The following SPIDR variants were observed in gnomAD, a reference collection of about 807,000 sequenced individuals.
SPIDR encodes DNA repair-scaffolding protein.
Under a neutral mutation model 104.6 loss-of-function variants are expected in SPIDR, and 93 were observed. That is an observed-to-expected ratio of 0.89 (90% CI 0.75 to 1.06). SPIDR has a LOEUF of 1.06. Ranked by LOEUF, SPIDR falls within the 50% of genes least tolerant of loss-of-function variation. The probability of loss-of-function intolerance (pLI) is 0.00; values close to 1 mark genes in which losing one functional copy is unlikely to be tolerated. For synonymous variants in SPIDR, 431 were observed against 416.9 expected (o/e 1.03, Z -0.41); for missense variants, 1,154 against 1,111.2 (o/e 1.04, Z -0.55).
chr8:47,703,664 G>A (rs1053796661), intron 14 of SPIDR, among the ~76,000 whole-genome samples: 6 of 152,168 alleles, frequency 3.9e-5, no homozygotes, highest in East Asian at 1.9e-4. Flanking sequence ...ATATTCTTAC[G>A]GTTTTTTAAC....
chr8:47,330,114 C>T (rs1554603594), intron 5 of SPIDR, among the ~76,000 whole-genome samples: 1 of 151,990 alleles, frequency 6.6e-6, no homozygotes, highest in Non-Finnish European at 1.5e-5. Context: ...TCAGGTGGGT[C>T]TGCAAGCAAT....
intron 5 of SPIDR, among the ~76,000 whole-genome samples, chr8:47,334,004 C>T (rs575326494): frequency 1.3e-5 from 2 of 152,240 alleles, no homozygotes; most frequent in South Asian, 4.1e-4. Flanking sequence ...TAGTTGAAAA[C>T]GTTTATAAAT....
chr8:47,543,094 G>T (rs542244397), intron 8 of SPIDR, among the ~76,000 whole-genome samples: 2 of 152,168 alleles, frequency 1.3e-5, no homozygotes, highest in Non-Finnish European at 2.9e-5. Flanking sequence ...CCCATGGAAG[G>T]ACGTCCAACT....
intron 8 of SPIDR, among the ~76,000 whole-genome samples, chr8:47,588,033 ATATATATATATATATATATATAT>A (rs1564407059): frequency 0.043 from 1,002 of 23,298 alleles, 86 homozygotes; most frequent in Middle Eastern, 0.071. Flanking sequence ...TAGCATATAT[ATATATATATATATATATATATAT>A]ATATATATAT....
chr8:47,595,152 T>C (rs540821701), intron 8 of SPIDR, among the ~76,000 whole-genome samples: 1 of 152,236 alleles, frequency 6.6e-6, no homozygotes, highest in Non-Finnish European at 1.5e-5. Flanking sequence ...GGCATTTTAG[T>C]TGTACTTAAT....
chr8:47,669,469 A>G (rs536260933), intron 10 of SPIDR, among the ~76,000 whole-genome samples: 2 of 152,284 alleles, frequency 1.3e-5, no homozygotes, highest in South Asian at 4.1e-4. Flanking sequence ...GTGGGAGAGC[A>G]TGTGTGGTGG....
At chr8:47,282,374 C>CT (rs1162499949) in intron 2 of SPIDR, among the ~76,000 whole-genome samples, 6 of 152,354 alleles carry the variant, frequency 3.9e-5, no homozygotes, top group African/African-American at 1.2e-4. Flanking sequence ...ATATAAGGCT[C>CT]TTTCATCTAT....
intron 8 of SPIDR, among the ~76,000 whole-genome samples, chr8:47,517,410 C>T (rs1422923204): frequency 1.3e-5 from 2 of 152,180 alleles, no homozygotes; most frequent in Non-Finnish European, 2.9e-5. Context: ...CTAATACCAA[C>T]CCTCCCCATG....
chr8:47,553,362 C>T (rs575319459), intron 8 of SPIDR, among the ~76,000 whole-genome samples: 13 of 152,204 alleles, frequency 8.5e-5, no homozygotes, highest in South Asian at 2.1e-4. Context: ...TCCATTCTCC[C>T]CGTCACTTTC....
intron 8 of SPIDR, among the ~76,000 whole-genome samples, chr8:47,491,616 A>T (rs1294910716): frequency 6.6e-6 from 1 of 152,086 alleles, no homozygotes; most frequent in Non-Finnish European, 1.5e-5. Flanking sequence ...AATACAGTAA[A>T]CGTGCTGAGG....
At chr8:47,371,747 A>G (rs1371204448) in intron 5 of SPIDR, among the ~76,000 whole-genome samples, 1 of 152,228 alleles carries the variant, frequency 6.6e-6, no homozygotes, top group Admixed American at 6.5e-5. Context: ...AAAAGAGGTC[A>G]TGAAATAAAG....
At chr8:47,355,167 CTGGTCACTAAACTCCTGGCCTCAGG>C (rs2054278993) in intron 5 of SPIDR, among the ~76,000 whole-genome samples, 1 of 151,366 alleles carries the variant, frequency 6.6e-6, no homozygotes, top group Non-Finnish European at 1.5e-5. Flanking sequence ...CATTGGCCAG[CTGGTCACTAAACTCCTGGCCTCAGG>C]TGGTCCACCC....
intron 8 of SPIDR, among the ~76,000 whole-genome samples, chr8:47,560,967 G>GGT (rs1166862288): frequency 6.6e-6 from 1 of 152,182 alleles, no homozygotes; most frequent in African/African-American, 2.4e-5. Flanking sequence ...ACCTAAAGCA[G>GGT]AGGTAGTTCA....
At chr8:47,422,841 G>A (rs1279527326) in intron 7 of SPIDR, among the ~76,000 whole-genome samples, 1 of 151,978 alleles carries the variant, frequency 6.6e-6, no homozygotes, top group Admixed American at 6.6e-5. Flanking sequence ...TTTTTCCTTT[G>A]TTCCCTCCTG....
chr8:47,337,841 C>G (rs1184748742), intron 5 of SPIDR, among the ~76,000 whole-genome samples: 3 of 152,170 alleles, frequency 2.0e-5, no homozygotes, highest in Non-Finnish European at 2.9e-5. Context: ...GCAGAGTGTT[C>G]TTTTAGTATT....
chr8:47,355,204 C>T lies in SPIDR; in HGVS notation c.526-41172C>T, dbSNP rs2054286621. ...CTCCTGGCCTCAGGTGGTCCACCCA[C>T]CTTGGCCTCCCAAAGTGCTGGGATT... On this transcript the variant is annotated intron_variant, in intron 5 of 19. Coordinates refer to ENST00000297423, the MANE Select transcript of SPIDR (RefSeq NM_001080394.4). Among the ~76,000 whole-genome samples the T allele has an allele frequency of 2.0e-5, 3 of 151,452 alleles. No homozygotes were observed. The South Asian group carries it at 6.2e-4, about 31-fold the overall frequency.
At chr8:47,718,155 G>A (rs1442376119) in intron 16 of SPIDR, among the ~76,000 whole-genome samples, 5 of 152,176 alleles carry the variant, frequency 3.3e-5, no homozygotes, top group African/African-American at 9.7e-5. Flanking sequence ...AGGTTTGAAT[G>A]GACAGTAACA....
At chr8:47,516,259 A>T (rs915352846) in intron 8 of SPIDR, among the ~76,000 whole-genome samples, 4 of 151,994 alleles carry the variant, frequency 2.6e-5, no homozygotes, top group African/African-American at 9.7e-5. Flanking sequence ...AAATGCTTTT[A>T]AAAAAAATTG....
At chr8:47,417,701 A>G (rs1355908943) in intron 7 of SPIDR, among the ~76,000 whole-genome samples, 42 of 152,062 alleles carry the variant, frequency 2.8e-4, no homozygotes, top group Middle Eastern at 3.2e-3. Context: ...CCTTGCCCAT[A>G]CCTATGTCCT....
Sources: allele counts gnomAD v4.1 joint callset (sites outside exome capture counted in the v4.1 genomes callset), GRCh38; gene constraint gnomAD v4.1.1; transcripts MANE v1.5; gene names NCBI Gene and HGNC (gene_info 2026-07-23, HGNC 2026-07-21).